NRG3: variants seen among roughly 807,000 people sequenced by gnomAD.
NRG3 encodes the protein pro-neuregulin-3, membrane-bound isoform.
In NRG3, 31 loss-of-function variants were observed where a neutral mutation model predicts 66.9. That is an observed-to-expected ratio of 0.46 (90% CI 0.35 to 0.63). NRG3 has a LOEUF of 0.63. Among genes scored for constraint, NRG3 ranks in the 20% least tolerant of loss-of-function variants. The pLI is 0.00. For synonymous variants in NRG3, 393 were observed against 359.4 expected (o/e 1.09, Z -1.06); for missense variants, 910 against 878.9 (o/e 1.04, Z -0.45).
intron 2 of NRG3, among the ~76,000 whole-genome samples, chr10:82,452,915 T>C (rs569384123): frequency 6.6e-6 from 1 of 152,156 alleles, no homozygotes; most frequent in African/African-American, 2.4e-5. Flanking sequence ...TCCACGTTTC[T>C]GTGGCCAACA....
intron 2 of NRG3, among the ~76,000 whole-genome samples, chr10:82,608,084 T>C (rs1390113299): frequency 6.6e-6 from 1 of 152,190 alleles, no homozygotes; most frequent in African/African-American, 2.4e-5. Context: ...CATGTAAGTT[T>C]CTTGCAAGGC....
At chr10:82,667,753 C>T (rs2052917513) in intron 2 of NRG3, among the ~76,000 whole-genome samples, 1 of 152,150 alleles carries the variant, frequency 6.6e-6, no homozygotes, top group Non-Finnish European at 1.5e-5. Context: ...AGCCAGAATT[C>T]AGGAACATGA....
chr10:81,885,127 T>C lies in NRG3; in HGVS notation c.823+8964T>C, dbSNP rs185665257. ...CTTTTTAACTCTCTATTTTCTCTTATGGCTGCTTGTAGGTGATTCAATGTA... is the reference window on the plus strand; with the variant it reads ...CTTTTTAACTCTCTATTTTCTCTTACGGCTGCTTGTAGGTGATTCAATGTA... On this transcript the variant is annotated intron_variant, in intron 1 of 8. Coordinates refer to ENST00000372141, the MANE Select transcript of NRG3 (RefSeq NM_001010848.4). Among the ~76,000 whole-genome samples, 6 of 152,292 alleles carry C rather than the reference T, an allele frequency of 3.9e-5. No individual in the cohort carries two copies. In the East Asian group the frequency reaches 1.2e-3, roughly 29 times the overall value.
rs11192582 is a variant in NRG3, at chr10:82,118,235, A to G, written c.824-240504A>G. Among the ~76,000 whole-genome samples the G allele has an allele frequency of 0.014, 2,063 of 151,318 alleles. 98 individuals are homozygous for G. In the East Asian group the frequency reaches 0.14, roughly 10 times the overall value. On this transcript the variant is annotated intron_variant, in intron 1 of 8. Transcript: ENST00000372141. ...GGACTCTAAAAAAAAAAAAAAAACT[A>G]AAAAATCTATATGTGCTCTGGAGCA...
chr10:82,602,101 T>TA (rs2047675312), intron 2 of NRG3, among the ~76,000 whole-genome samples: 1 of 151,362 alleles, frequency 6.6e-6, no homozygotes, highest in African/African-American at 2.4e-5. Flanking sequence ...AAATAAACAA[T>TA]AAAAAATAAA....
At chr10:81,897,938 T>C (rs1220853816) in intron 1 of NRG3, among the ~76,000 whole-genome samples, 2 of 152,054 alleles carry the variant, frequency 1.3e-5, no homozygotes, top group Non-Finnish European at 2.9e-5. Context: ...ATGGGGGAGA[T>C]ACAAAAATAA....
intron 4 of NRG3, among the ~76,000 whole-genome samples, chr10:82,898,318 C>G (rs1843860727): frequency 6.6e-6 from 1 of 152,170 alleles, no homozygotes; most frequent in Admixed American, 6.5e-5. Context: ...AAATCCTTCT[C>G]TCAGAGTCCA....
chr10:82,982,578 G>GC (rs1199242246), intron 8 of NRG3, among the ~76,000 whole-genome samples: 1 of 152,114 alleles, frequency 6.6e-6, no homozygotes, highest in Non-Finnish European at 1.5e-5. Context: ...AGTGAGGCTT[G>GC]CCACTGTGTC....
At chr10:82,693,885 C>T (rs760803923) in intron 2 of NRG3, among the ~76,000 whole-genome samples, 1 of 152,190 alleles carries the variant, frequency 6.6e-6, no homozygotes, top group Non-Finnish European at 1.5e-5. Context: ...TGGAAGGAGA[C>T]CCGAGTGGGT....
chr10:82,079,962 G>C (rs1043543005), intron 1 of NRG3, among the ~76,000 whole-genome samples: 1 of 152,136 alleles, frequency 6.6e-6, no homozygotes, highest in African/African-American at 2.4e-5. Context: ...AAATCAAGCT[G>C]TGTTTTATGT....
At chr10:82,828,212 T>C (rs1398876607) in intron 3 of NRG3, among the ~76,000 whole-genome samples, 2 of 152,098 alleles carry the variant, frequency 1.3e-5, no homozygotes, top group African/African-American at 4.8e-5. Context: ...TTTAACAAAA[T>C]ATATTTGATT....
intron 2 of NRG3, among the ~76,000 whole-genome samples, chr10:82,474,885 C>A (rs886912367): frequency 6.6e-6 from 1 of 151,654 alleles, no homozygotes; most frequent in African/African-American, 2.4e-5. Flanking sequence ...AAGAGAAAAG[C>A]CAGGTATGAT....
intron 4 of NRG3, among the ~76,000 whole-genome samples, chr10:82,866,476 G>T (rs373269304): frequency 2.0e-5 from 3 of 152,068 alleles, no homozygotes; most frequent in African/African-American, 7.2e-5. Context: ...TCTTTATACC[G>T]GAATTGGTGT....
intron 1 of NRG3, among the ~76,000 whole-genome samples, chr10:82,133,755 A>G (rs1400204573): frequency 6.6e-6 from 1 of 152,102 alleles, no homozygotes; most frequent in Admixed American, 6.6e-5. Context: ...AGAATGATGT[A>G]TATTTCTCTG....
intron 4 of NRG3, among the ~76,000 whole-genome samples, chr10:82,916,914 C>T (rs753179406): frequency 4.6e-5 from 7 of 152,172 alleles, no homozygotes; most frequent in Non-Finnish European, 7.3e-5. Context: ...CTTCACCCAG[C>T]CAACATTTTA....
intron 4 of NRG3, among the ~76,000 whole-genome samples, chr10:82,880,953 G>T (rs894303238): frequency 4.6e-5 from 7 of 152,200 alleles, no homozygotes; most frequent in African/African-American, 1.4e-4. Flanking sequence ...TCCCAGGAAG[G>T]CTGAATTAGA....
intron 3 of NRG3, among the ~76,000 whole-genome samples, chr10:82,864,473 A>G (rs1231025768): frequency 6.6e-6 from 1 of 152,206 alleles, no homozygotes; most frequent in Non-Finnish European, 1.5e-5. Context: ...CTTGGAAACA[A>G]TTACAATGGT....
intron 1 of NRG3, among the ~76,000 whole-genome samples, chr10:81,903,921 A>G (rs1384846802): frequency 6.6e-6 from 1 of 151,966 alleles, no homozygotes; most frequent in Non-Finnish European, 1.5e-5. Context: ...AAAGTGAGTC[A>G]CATGCTCAAC....
At chr10:82,603,128 G>C (rs1218743904) in intron 2 of NRG3, among the ~76,000 whole-genome samples, 1 of 152,132 alleles carries the variant, frequency 6.6e-6, no homozygotes, top group Non-Finnish European at 1.5e-5. Context: ...CCCTGATTCA[G>C]TAAATTCTGT....
Sources: gnomAD v4.1 joint callset for allele counts (sites outside exome capture counted in the v4.1 genomes callset) on GRCh38, gnomAD v4.1.1 for gene constraint, MANE v1.5 for transcripts, NCBI Gene and HGNC (gene_info 2026-07-23, HGNC 2026-07-21) for gene names.